PKNOX2: variants seen among roughly 807,000 people sequenced by gnomAD.
The protein encoded by PKNOX2 is homeobox protein PKNOX2.
A neutral mutation model predicts 53.1 loss-of-function variants in PKNOX2; 14 were observed. That is an observed-to-expected ratio of 0.26 (90% CI 0.17 to 0.41). The LOEUF (loss-of-function observed/expected upper bound fraction) is 0.41, where lower values mean the gene tolerates loss of function less well. Ranked by LOEUF, PKNOX2 falls within the 10% of genes least tolerant of loss-of-function variation. The pLI is 1.00. For missense variants in PKNOX2, 496 were observed against 602.8 expected (o/e 0.82, Z 1.85); for synonymous variants, 257 against 242.8 (o/e 1.06, Z -0.54).
intron 10 of PKNOX2, among the ~76,000 whole-genome samples, chr11:125,425,248 A>G (rs1464014236): frequency 1.3e-5 from 2 of 152,220 alleles, no homozygotes; most frequent in Admixed American, 6.5e-5. Flanking sequence ...AGGTCACACA[A>G]TGTTAAGGGG....
In PKNOX2 at chr11:125,165,115, C is replaced by T. The variant is rs1271771920; in HGVS notation, c.-201+339C>T. On this transcript the variant is annotated intron_variant, in intron 1 of 12. Coordinates refer to ENST00000298282, the MANE Select transcript of PKNOX2 (RefSeq NM_001382323.2). The surrounding 1 kb of genome is among the most constrained non-coding windows in gnomAD (Gnocchi z 4.5). ...CGGAGGCTGCGAGAGCCCCGCGGGCCGCCCGCTCCCCTGCCCGGCCAGCGC... is the reference window on the plus strand; with the variant it reads ...CGGAGGCTGCGAGAGCCCCGCGGGCTGCCCGCTCCCCTGCCCGGCCAGCGC... Among the ~76,000 whole-genome samples, 1 of 148,422 alleles carries T rather than the reference C, an allele frequency of 6.7e-6. No homozygotes were observed. Among genetic ancestry groups the T allele is most frequent in the Non-Finnish European group, 1.5e-5 (1 of 66,738 alleles).
intron 7 of PKNOX2, among the ~76,000 whole-genome samples, chr11:125,404,612 AACACACACATCAC>A (rs375988548): frequency 1.3e-5 from 2 of 151,028 alleles, no homozygotes; most frequent in African/African-American, 2.5e-5. Flanking sequence ...CACACACACA[AACACACACATCAC>A]ACACACACAA....
chr11:125,266,818 C>T (rs1172601692), intron 2 of PKNOX2: 1 of 152,180 alleles, frequency 6.6e-6, no homozygotes, highest in Non-Finnish European at 1.5e-5. Flanking sequence ...TTCCCTACTT[C>T]CCACCCAGGT....
chr11:125,257,281 T>C (rs996116661), intron 2 of PKNOX2, among the ~76,000 whole-genome samples: 1 of 152,164 alleles, frequency 6.6e-6, no homozygotes, highest in Admixed American at 6.5e-5. Context: ...CACCTGCTTG[T>C]CGGAGGTAGG....
chr11:125,366,496 C>T (rs115946421), intron 4 of PKNOX2, among the ~76,000 whole-genome samples: 2,874 of 152,246 alleles, frequency 0.019, 95 homozygotes, highest in African/African-American at 0.065. Flanking sequence ...ACAACTGTTA[C>T]AATCACTCCA....
In PKNOX2 at chr11:125,230,446, G is replaced by A. The variant is rs189360432; in HGVS notation, c.-200-4599G>A. 6.1e-4 allele frequency among the ~76,000 whole-genome samples: 93 copies of A among 152,300 alleles called. 1 individual carries two copies. In the Middle Eastern group the frequency reaches 0.02, roughly 33 times the overall value. On this transcript the variant is annotated intron_variant, in intron 1 of 12. Coordinates refer to ENST00000298282, the MANE Select transcript of PKNOX2 (RefSeq NM_001382323.2). Reference sequence around the variant, plus strand: ...GAGATATGGTGGGAGCTGCAGATACGCTGTTGGAGGGACGAGTGGTCCATC... The same window carrying A: ...GAGATATGGTGGGAGCTGCAGATACACTGTTGGAGGGACGAGTGGTCCATC...
intron 1 of PKNOX2, among the ~76,000 whole-genome samples, chr11:125,234,275 G>T (rs1370758275): frequency 6.6e-6 from 1 of 152,208 alleles, no homozygotes; most frequent in East Asian, 1.9e-4. Context: ...CTTATTGGGG[G>T]TTCTTGTATA....
chr11:125,315,344 T>A (rs1949108296), intron 2 of PKNOX2, among the ~76,000 whole-genome samples: 1 of 144,636 alleles, frequency 6.9e-6, no homozygotes, highest in Non-Finnish European at 1.5e-5. Flanking sequence ...CTCTCTGCAT[T>A]AAAATTGATG....
intron 2 of PKNOX2, among the ~76,000 whole-genome samples, chr11:125,281,729 G>A (rs140591637): frequency 1.6e-3 from 249 of 152,282 alleles, no homozygotes; most frequent in African/African-American, 5.6e-3. Context: ...CTTGCCAGCC[G>A]GGGGACAACC....
chr11:125,294,519 T>C (rs1276262342), intron 2 of PKNOX2, among the ~76,000 whole-genome samples: 2 of 152,060 alleles, frequency 1.3e-5, no homozygotes, highest in Non-Finnish European at 2.9e-5. Context: ...AGGCAGAGGT[T>C]AGGGGACAGG....
intron 2 of PKNOX2, among the ~76,000 whole-genome samples, chr11:125,236,098 T>C (rs1942659503): frequency 6.6e-6 from 1 of 152,208 alleles, no homozygotes; most frequent in Non-Finnish European, 1.5e-5. Context: ...TTCACCTCTG[T>C]GTAAAAATAG....
At chr11:125,342,711 A>G (rs1388948163) in intron 3 of PKNOX2, among the ~76,000 whole-genome samples, 2 of 147,994 alleles carry the variant, frequency 1.4e-5, no homozygotes, top group Non-Finnish European at 3.0e-5. Flanking sequence ...TCCCAGGTTC[A>G]TTTTCAGATC....
At chr11:125,230,136 C>T (rs1276521234) in intron 1 of PKNOX2, among the ~76,000 whole-genome samples, 1 of 152,200 alleles carries the variant, frequency 6.6e-6, no homozygotes, top group Non-Finnish European at 1.5e-5. Flanking sequence ...CCAGCACTGC[C>T]TGTGGCACAG....
chr11:125,211,859 A>G lies in PKNOX2; in HGVS notation c.-200-23186A>G. Among the ~76,000 whole-genome samples the G allele has an allele frequency of 1.3e-5, 2 of 152,142 alleles. 1 individual carries two copies. The highest frequency in any genetic ancestry group is 2.9e-5 in the Non-Finnish European group (2 of 68,006). On this transcript the variant is annotated intron_variant, in intron 1 of 12. Coordinates refer to ENST00000298282, the MANE Select transcript of PKNOX2 (RefSeq NM_001382323.2). The stretch of plus-strand genomic sequence containing the variant: ...GAATCAGTATTGAGGGTCAGATTGC[A>G]GATGACAATGATGTAAACAGGCTGC...
intron 7 of PKNOX2, among the ~76,000 whole-genome samples, chr11:125,400,222 G>A (rs185899570): frequency 5.3e-4 from 80 of 152,230 alleles, no homozygotes; most frequent in African/African-American, 1.8e-3. Context: ...CACTAGTGAG[G>A]TATTCCTACT....
intron 2 of PKNOX2, among the ~76,000 whole-genome samples, chr11:125,325,496 G>A (rs1269422042): frequency 6.6e-6 from 1 of 152,202 alleles, no homozygotes; most frequent in South Asian, 2.1e-4. Flanking sequence ...GGGCTCAGTG[G>A]TCATGAGAGA....
At position 125,166,118 on chromosome 11, in the gene PKNOX2, G is replaced by A. The variant is rs1357870462; in HGVS notation, c.-201+1342G>A. The stretch of plus-strand genomic sequence containing the variant: ...ACTGTTTACGGAATCGGGATCGAGG[G>A]GCCGATAAGTAGTTTACACGCCGGC... On this transcript the variant is annotated intron_variant, in intron 1 of 12. Coordinates refer to ENST00000298282, the MANE Select transcript of PKNOX2 (RefSeq NM_001382323.2). This position sits in a 1 kb window ranked among gnomAD's most constrained non-coding sequence, Gnocchi z 4.0. 1.3e-5 allele frequency among the ~76,000 whole-genome samples: 2 copies of A among 152,084 alleles called. No individual in the cohort carries two copies. The highest frequency in any genetic ancestry group is 6.5e-5 in the Admixed American group (1 of 15,272).
chr11:125,399,517 T>C (rs1954610879), intron 7 of PKNOX2, among the ~76,000 whole-genome samples: 1 of 152,198 alleles, frequency 6.6e-6, no homozygotes, highest in Non-Finnish European at 1.5e-5. Context: ...CAAATGGAGA[T>C]GCACATTTTT....
Position 125,421,648 on chromosome 11 carries a change from C to T in PKNOX2, c.937-7364C>T, listed in dbSNP as rs927152480. On this transcript the variant is annotated intron_variant, in intron 10 of 12. Coordinates refer to ENST00000298282, the MANE Select transcript of PKNOX2 (RefSeq NM_001382323.2). The stretch of plus-strand genomic sequence containing the variant: ...AAACACAGTGCCTGAAGGGTGGCCA[C>T]GTGTTCAGCAGAAACACCTTCCTAC... Among the ~76,000 whole-genome samples the T allele has an allele frequency of 4.6e-5, 7 of 152,242 alleles. No individual in the cohort carries two copies. In the South Asian group the frequency reaches 1.0e-3, roughly 23 times the overall value.
Sources: gnomAD v4.1 joint callset for allele counts (sites outside exome capture counted in the v4.1 genomes callset) on GRCh38, gnomAD v4.1.1 for gene constraint, Gnocchi (gnomAD v3.1) non-coding constraint, MANE v1.5 for transcripts, NCBI Gene and HGNC (gene_info 2026-07-23, HGNC 2026-07-21) for gene names.